The following GAS7 variants were observed in gnomAD, a reference collection of about 807,000 sequenced individuals.
GAS7 encodes growth arrest specific 7.
A neutral mutation model predicts 71.1 loss-of-function variants in GAS7; 28 were observed. The ratio of observed to expected loss-of-function variants is 0.39; its 90% CI spans 0.29 to 0.54. The LOEUF is 0.54. Ranked by LOEUF, GAS7 falls within the 20% of genes least tolerant of loss-of-function variation. The pLI, the probability that GAS7 is intolerant of heterozygous loss-of-function variation, is 0.62. For missense variants in GAS7, 436 were observed against 627.8 expected, an observed-to-expected ratio of 0.69 and a Z score of 3.27; for synonymous variants, 258 against 245.8, an observed-to-expected ratio of 1.05 and a Z score of -0.46.
Position 9,919,704 on chromosome 17 carries a change from T to C in GAS7, c.1140A>G (p.Gly380=), listed in dbSNP as rs966032970. 7 of 1,612,052 alleles carry C rather than the reference T, an allele frequency of 4.3e-6. No individual in the cohort carries two copies. The highest frequency in any genetic ancestry group is 4.2e-6 in the Non-Finnish European group (5 of 1,178,150). The stretch of plus-strand genomic sequence containing the variant: ...GATCCACACAGCGCATGAGGTCGTC[T>C]CCTGGAAAAAGACCACAGTCACCAT... ...KKARRKSTQA[G]DDLMRCVDLY... is the part of the protein sequence containing the mutation. The change falls in exon 12 of 14, where the codon GGA becomes GGG. Residue 380 remains glycine (G), a splice_region_variant and synonymous_variant. Transcript: ENST00000432992. This position sits in a 1 kb window ranked among gnomAD's most constrained non-coding sequence, Gnocchi z 5.0.
At chr17:10,194,163 T>G (rs1429031561) in intron 1 of GAS7, among the ~76,000 whole-genome samples, 2 of 152,200 alleles carry the variant, frequency 1.3e-5, no homozygotes, top group African/African-American at 4.8e-5. Context: ...AAGGCTCTTT[T>G]TAGGAAAGAG....
At chr17:10,093,731 G>A (rs1469612857) in intron 1 of GAS7, among the ~76,000 whole-genome samples, 1 of 152,082 alleles carries the variant, frequency 6.6e-6, no homozygotes, top group Non-Finnish European at 1.5e-5. Context: ...AGTATTTCAC[G>A]AAATTTATTC....
At chr17:10,130,101 G>A (rs1440776184) in intron 1 of GAS7, among the ~76,000 whole-genome samples, 13 of 151,676 alleles carry the variant, frequency 8.6e-5, no homozygotes, top group Non-Finnish European at 8.8e-5. Context: ...CCCGGGAGGT[G>A]GAGGTTGCAG....
intron 9 of GAS7, among the ~76,000 whole-genome samples, chr17:9,931,735 C>CT: frequency 6.6e-6 from 1 of 152,348 alleles, no homozygotes; most frequent in South Asian, 2.1e-4. Flanking sequence ...AGCATGCCTT[C>CT]ACTGGCTGGG....
intron 1 of GAS7, among the ~76,000 whole-genome samples, chr17:10,127,880 G>A (rs2073963073): frequency 6.6e-6 from 1 of 152,226 alleles, no homozygotes; most frequent in Non-Finnish European, 1.5e-5. Flanking sequence ...AAAGATCTGA[G>A]CAAATTCCAG....
intron 1 of GAS7, among the ~76,000 whole-genome samples, chr17:10,102,807 T>C (rs913521191): frequency 1.8e-4 from 27 of 151,800 alleles, no homozygotes; most frequent in Non-Finnish European, 3.5e-4. Context: ...AATTCCAACA[T>C]TGACAAGACC....
rs2067504559 is a variant in GAS7, at chr17:9,913,785, C to G, written c.*3443G>C. The G allele has an allele frequency of 4.3e-6, 1 of 231,806 alleles. No homozygotes were observed. Among genetic ancestry groups the G allele is most frequent in the Non-Finnish European group, 8.5e-6 (1 of 117,212 alleles). The allele number at this position is 231,806 out of a possible 1,614,324, so 14.4% of individuals were successfully genotyped here. The stretch of plus-strand genomic sequence containing the variant: ...AATAGAGGGTAACAAGTGGCTCTTC[C>G]TGGAGGTTGTCACAGCAACCAACTT... On this transcript the variant is annotated 3_prime_UTR_variant, in exon 14 of 14. Coordinates refer to ENST00000432992, the MANE Select transcript of GAS7 (RefSeq NM_201433.2).
intron 2 of GAS7, among the ~76,000 whole-genome samples, chr17:9,997,724 T>C (rs1431567882): frequency 9.8e-5 from 15 of 152,362 alleles, no homozygotes; most frequent in Middle Eastern, 3.4e-3. Context: ...ATCTGACAGA[T>C]AGGCTATAAA....
chr17:9,917,406 G>A (rs1597435920), intron 13 of GAS7, 65 bp from the exon 14 acceptor site: 1 of 1,142,012 alleles, frequency 8.8e-7, no homozygotes, highest in Non-Finnish European at 1.3e-6. Flanking sequence ...GGTCTCCTCT[G>A]AGACATGCTG....
intron 2 of GAS7, among the ~76,000 whole-genome samples, chr17:9,994,963 G>A (rs1249912880): frequency 2.0e-5 from 3 of 152,238 alleles, no homozygotes; most frequent in East Asian, 1.9e-4. Context: ...CAGGGAAAGT[G>A]AGGCAGCCAG....
chr17:9,961,700 C>A (rs1438041362), intron 4 of GAS7, among the ~76,000 whole-genome samples: 1 of 152,208 alleles, frequency 6.6e-6, no homozygotes, highest in Non-Finnish European at 1.5e-5. Flanking sequence ...TATTTAATCT[C>A]ATTTCATCCT....
chr17:10,005,144 CGCAT>C (rs1288273520), intron 2 of GAS7, among the ~76,000 whole-genome samples: 8 of 38,256 alleles, frequency 2.1e-4, no homozygotes, highest in East Asian at 9.7e-4. Flanking sequence ...TGTGCGCGCA[CGCAT>C]GCATGCATGT....
rs1005452776 is a variant in GAS7 at position 10,195,223 on chromosome 17, C to G, written c.183+2985G>C. Among the ~76,000 whole-genome samples, 3 of 152,222 alleles carry G rather than the reference C, an allele frequency of 2.0e-5. No individual in the cohort carries two copies. The South Asian group carries it at 6.2e-4, about 31-fold the overall frequency. On this transcript the variant is annotated intron_variant, in intron 1 of 13. Transcript: ENST00000432992. Reference sequence around the variant, plus strand: ...CCCAAAAACCAAGACCTCCTCCAAGCTGGCCTCCTCCCAAGGGCTAGCTGG... The same window carrying G: ...CCCAAAAACCAAGACCTCCTCCAAGGTGGCCTCCTCCCAAGGGCTAGCTGG...
intron 1 of GAS7, among the ~76,000 whole-genome samples, chr17:10,066,491 C>CT (rs957173746): frequency 5.9e-5 from 9 of 151,810 alleles, no homozygotes; most frequent in South Asian, 2.1e-4. Flanking sequence ...GGCCAGACTA[C>CT]TTTTTTTTGT....
At chr17:10,169,769 T>C (rs1234458654) in intron 1 of GAS7, among the ~76,000 whole-genome samples, 5 of 152,194 alleles carry the variant, frequency 3.3e-5, no homozygotes, top group African/African-American at 1.2e-4. Flanking sequence ...GCTTGAAGAC[T>C]ATCTACGCCA....
intron 1 of GAS7, among the ~76,000 whole-genome samples, chr17:10,187,271 T>C (rs4791934): frequency 0.062 from 9,458 of 152,252 alleles, 479 homozygotes; most frequent in East Asian, 0.17. Context: ...CTTGCGGCTT[T>C]GGACCAACTC....
At position 10,029,928 on chromosome 17, in the gene GAS7, C is replaced by T. The variant is rs151053987; in HGVS notation, c.184-10031G>A. On this transcript the variant is annotated intron_variant, in intron 1 of 13. Transcript: ENST00000432992. ...CAAGAGGCAGGAGGAACACTGAGAT[C>T]ATGAGAACACCGAGGGAGATGGAAA... Among the ~76,000 whole-genome samples, 1,352 of 152,154 alleles carry T rather than the reference C, an allele frequency of 8.9e-3. 13 individuals are homozygous for T. Among genetic ancestry groups the T allele is most frequent in the Non-Finnish European group, 0.014 (977 of 67,984 alleles).
intron 1 of GAS7, among the ~76,000 whole-genome samples, chr17:10,078,187 G>C (rs1055490032): frequency 5.3e-5 from 8 of 152,018 alleles, no homozygotes; most frequent in African/African-American, 1.9e-4. Context: ...GATCTCCCAG[G>C]CTTGAGCAAT....
chr17:10,040,535 G>C (rs573058706), intron 1 of GAS7, among the ~76,000 whole-genome samples: 1 of 152,240 alleles, frequency 6.6e-6, no homozygotes, highest in African/African-American at 2.4e-5. Context: ...CAAATGTGAG[G>C]GAGAAACTAG....
Sources: gnomAD v4.1 joint callset for allele counts (sites outside exome capture counted in the v4.1 genomes callset) on GRCh38, gnomAD v4.1.1 for gene constraint, Gnocchi (gnomAD v3.1) non-coding constraint, MANE v1.5 for transcripts, NCBI Gene and HGNC (gene_info 2026-07-23, HGNC 2026-07-21) for gene names.